Variants in ENKUR observed in about 807,000 individuals in gnomAD.
ENKUR encodes enkurin, TRPC channel interacting protein, also known as enkurin.
In ENKUR, 19 loss-of-function variants were observed where a neutral mutation model predicts 27.6. That is an observed-to-expected ratio of 0.69 (90% CI 0.48 to 1.01). The LOEUF is 1.01. Ranked by LOEUF, ENKUR falls within the 50% of genes least tolerant of loss-of-function variation. The probability of loss-of-function intolerance (pLI) is 0.00; values close to 1 mark genes in which losing one functional copy is unlikely to be tolerated. For synonymous variants in ENKUR, 117 were observed against 96.9 expected (o/e 1.21, Z -1.22); for missense variants, 312 against 310.5 (o/e 1.00, Z -0.04).
intron 2 of ENKUR, among the ~76,000 whole-genome samples, chr10:25,032,487 T>TA (rs1850947983): frequency 6.6e-6 from 1 of 152,190 alleles, no homozygotes; most frequent in South Asian, 2.1e-4. Flanking sequence ...GTCACCCTGC[T>TA]ACATGGGGTG....
intron 2 of ENKUR, chr10:25,024,202 A>T (rs145829113): frequency 1.2e-6 from 2 of 1,614,186 alleles, no homozygotes; most frequent in Non-Finnish European, 8.5e-7. Flanking sequence ...CTGCTCAAAA[A>T]TTGCTCCTGT....
intron 2 of ENKUR, among the ~76,000 whole-genome samples, chr10:25,060,558 G>A (rs190742448): frequency 1.6e-4 from 24 of 152,270 alleles, no homozygotes; most frequent in East Asian, 3.9e-4. Flanking sequence ...ATACGATGCC[G>A]TTTTCCAAGA....
chr10:25,062,276 A>G (rs1275430756), exon 1 of ENKUR: 1 of 152,166 alleles, frequency 6.6e-6, no homozygotes, highest in Non-Finnish European at 1.5e-5. Context: ...TCCTCTCTTA[A>G]GGGAGAGAAA....
At position 25,057,419 on chromosome 10, in the gene ENKUR, AC is replaced by A. The variant is rs1564359443; in HGVS notation, c.37+3692del. Among the ~76,000 whole-genome samples, 411 of 147,098 alleles carry A rather than the reference AC, an allele frequency of 2.8e-3. 8 individuals carry two copies. The highest frequency in any genetic ancestry group is 9.6e-3 in the African/African-American group (384 of 40,118). ...CACACACACACACACACACACACAC[AC>A]ACACACACAATGCCCTTAAATCGCT... On this transcript the variant is annotated intron_variant, in intron 2 of 5. Transcript: ENST00000615958.
intron 2 of ENKUR, among the ~76,000 whole-genome samples, chr10:25,041,950 C>G (rs1438348285): frequency 6.6e-6 from 1 of 151,956 alleles, no homozygotes; most frequent in Non-Finnish European, 1.5e-5. Context: ...GAACCCTGGA[C>G]CAGACATTAG....
intron 3 of ENKUR, 33 bp from the exon 4 acceptor site, chr10:24,990,642 A>G (rs1439308644): frequency 1.3e-6 from 2 of 1,579,748 alleles, no homozygotes; most frequent in Non-Finnish European, 1.7e-6. Context: ...AGTAATCAAT[A>G]TTTTGTATGC....
At chr10:25,057,086 GACTCAAGT>G in intron 2 of ENKUR, among the ~76,000 whole-genome samples, 1 of 152,188 alleles carries the variant, frequency 6.6e-6, no homozygotes, top group Non-Finnish European at 1.5e-5. Context: ...CTCCTCTAAA[GACTCAAGT>G]AATAATAGTT....
intron 2 of ENKUR, chr10:25,025,893 A>G (rs1252784690): frequency 5.9e-6 from 1 of 169,158 alleles, no homozygotes; most frequent in Non-Finnish European, 1.4e-5. Flanking sequence ...GAAGTAGTAA[A>G]CTCTTCTATT....
At chr10:25,038,225 CTT>C (rs551526984) in intron 2 of ENKUR, among the ~76,000 whole-genome samples, 7 of 152,222 alleles carry the variant, frequency 4.6e-5, no homozygotes, top group Admixed American at 4.6e-4. Flanking sequence ...TTGTTTGACT[CTT>C]TTGGTAATCA....
chr10:25,009,421 A>G (rs564025023), intron 1 of ENKUR, among the ~76,000 whole-genome samples: 2 of 152,308 alleles, frequency 1.3e-5, no homozygotes, highest in South Asian at 4.1e-4. Flanking sequence ...AAATAAGATT[A>G]TGTGATTAAT....
At chr10:25,018,102 CT>C (rs1278254919), upstream of ENKUR, among the ~76,000 whole-genome samples, 1 of 152,164 alleles carries the variant, frequency 6.6e-6, no homozygotes, top group Non-Finnish European at 1.5e-5. Flanking sequence ...TCACTGATGT[CT>C]GTATATTTAT....
upstream of ENKUR, among the ~76,000 whole-genome samples, chr10:25,017,304 C>T (rs1850622125): frequency 6.6e-6 from 1 of 152,098 alleles, no homozygotes; most frequent in Admixed American, 6.5e-5. Flanking sequence ...ATGGGCCTGC[C>T]GTAGGAAAGT....
intron 1 of ENKUR, 108 bp from the exon 2 acceptor site, chr10:24,999,654 G>A (rs118138612): frequency 2.3e-4 from 235 of 1,009,426 alleles, no homozygotes; most frequent in Non-Finnish European, 2.8e-4. Context: ...GTCTATATTC[G>A]TATGGAAAAG....
intron 2 of ENKUR, among the ~76,000 whole-genome samples, chr10:25,053,261 A>G (rs1196135241): frequency 6.6e-6 from 1 of 152,228 alleles, no homozygotes. Context: ...GCGAATTAAC[A>G]TATCCATCAC....
At chr10:25,024,952 C>T (rs774943737) in intron 2 of ENKUR, 2 of 1,613,996 alleles carry the variant, frequency 1.2e-6, no homozygotes, top group Non-Finnish European at 8.5e-7. Flanking sequence ...ACGACATTTA[C>T]ACTTGATGGC....
At chr10:24,988,223 C>CA (rs1209382968) in intron 4 of ENKUR, among the ~76,000 whole-genome samples, 4 of 128,586 alleles carry the variant, frequency 3.1e-5, no homozygotes, top group East Asian at 2.2e-4. Context: ...GACTTCATCT[C>CA]AAAAAAAAAT....
intron 2 of ENKUR, among the ~76,000 whole-genome samples, chr10:24,996,389 T>C (rs1850055983): frequency 6.6e-6 from 1 of 152,044 alleles, no homozygotes; most frequent in Admixed American, 6.5e-5. Flanking sequence ...GCCATTGTAC[T>C]CCAGCCTGGG....
At chr10:24,990,186 C>T (rs1245316319) in intron 4 of ENKUR, among the ~76,000 whole-genome samples, 5 of 152,052 alleles carry the variant, frequency 3.3e-5, no homozygotes, top group African/African-American at 9.7e-5. Flanking sequence ...CATGCATGTT[C>T]GTTGTAGAGG....
intron 2 of ENKUR, among the ~76,000 whole-genome samples, chr10:25,030,128 C>T (rs1588678847): frequency 6.6e-6 from 1 of 152,016 alleles, no homozygotes; most frequent in African/African-American, 2.4e-5. Context: ...GGGAGACTAC[C>T]CTATAGGGTC....
Sources: gnomAD v4.1 joint callset for allele counts (sites outside exome capture counted in the v4.1 genomes callset) on GRCh38, gnomAD v4.1.1 for gene constraint, MANE v1.5 for transcripts, NCBI Gene and HGNC (gene_info 2026-07-23, HGNC 2026-07-21) for gene names.